DCP1A: variants seen among roughly 807,000 people sequenced by gnomAD.
DCP1A encodes mRNA-decapping enzyme 1A.
Under a neutral mutation model 58.0 loss-of-function variants are expected in DCP1A, and 20 were observed. The ratio of observed to expected loss-of-function variants is 0.34; its 90% CI spans 0.24 to 0.50. The LOEUF (loss-of-function observed/expected upper bound fraction) is 0.50, where lower values mean the gene tolerates loss of function less well. DCP1A is among the 20% of genes least tolerant of loss of function. DCP1A has a pLI of 0.98. For synonymous variants in DCP1A, 285 were observed against 275.1 expected (o/e 1.04, Z -0.36); for missense variants, 613 against 712.2 (o/e 0.86, Z 1.59).
chr3:53,306,504 AC>A (rs1311611839), intron 5 of DCP1A, among the ~76,000 whole-genome samples: 1 of 152,048 alleles, frequency 6.6e-6, no homozygotes, highest in Non-Finnish European at 1.5e-5. Flanking sequence ...ATCACTTGAG[AC>A]CAAGAGTTCA....
At chr3:53,311,029 T>C (rs1707627918) in intron 5 of DCP1A, among the ~76,000 whole-genome samples, 1 of 152,234 alleles carries the variant, frequency 6.6e-6, no homozygotes, top group Non-Finnish European at 1.5e-5. Flanking sequence ...ATTGTTTTAC[T>C]TATTGCAGGA....
At chr3:53,310,260 T>G (rs1707604410) in intron 5 of DCP1A, among the ~76,000 whole-genome samples, 1 of 152,256 alleles carries the variant, frequency 6.6e-6, no homozygotes. Context: ...CTATCTATAT[T>G]CCTTTTGTAA....
At chr3:53,326,341 A>C (rs1266241902) in intron 3 of DCP1A, among the ~76,000 whole-genome samples, 1 of 152,196 alleles carries the variant, frequency 6.6e-6, no homozygotes, top group African/African-American at 2.4e-5. Flanking sequence ...ACCCTAAGTA[A>C]AACAGTGAAT....
intron 6 of DCP1A, among the ~76,000 whole-genome samples, chr3:53,293,406 C>T (rs543855818): frequency 9.9e-5 from 15 of 152,266 alleles, no homozygotes; most frequent in African/African-American, 3.1e-4. Context: ...ATACCATAAT[C>T]GTTCAAAGGA....
Position 53,292,287 on chromosome 3 carries a change from G to C in DCP1A, c.1165C>G (p.Leu389Val), listed in dbSNP as rs1706915395. The stretch of plus-strand genomic sequence containing the variant: ...TTCTGGAGAAGATCAACGCTTGGGA[G>C]GGATGTGCCAGCTGTGTTCGTCACG... The part of the protein sequence containing the change: ...LNVTNTAGTS[L>V]PSVDLLQKLR... The change falls in exon 7 of 10, where the codon CTC becomes GTC. Residue 389 changes from leucine to valine, a missense_variant. Physicochemically the swap from Leu to Val is conservative, Grantham distance 32. Coordinates refer to ENST00000610213, the MANE Select transcript of DCP1A (RefSeq NM_018403.7). The C allele has an allele frequency of 2.5e-6, 4 of 1,613,982 alleles. No individual in the cohort carries two copies. The highest frequency in any genetic ancestry group is 3.4e-6 in the Non-Finnish European group (4 of 1,179,856).
intron 3 of DCP1A, among the ~76,000 whole-genome samples, chr3:53,327,709 T>G (rs1291867239): frequency 6.6e-6 from 1 of 151,402 alleles, no homozygotes; most frequent in Non-Finnish European, 1.5e-5. Context: ...AAGAATTGCT[T>G]GAGCCTGGGA....
At chr3:53,335,600 G>A (rs570910395) in intron 3 of DCP1A, among the ~76,000 whole-genome samples, 214 of 152,098 alleles carry the variant, frequency 1.4e-3, no homozygotes, top group Admixed American at 2.5e-3. Context: ...TCAAATGTTA[G>A]AGTTTATAAT....
At chr3:53,343,846 C>CAA (rs2089254002) in intron 2 of DCP1A, among the ~76,000 whole-genome samples, 1 of 152,080 alleles carries the variant, frequency 6.6e-6, no homozygotes, top group South Asian at 2.1e-4. Context: ...CTCCTGACCT[C>CAA]GTGATCCGCC....
Position 53,292,810 on chromosome 3 carries a change from G to A in DCP1A, c.642C>T (p.His214=). Residue 214 remains histidine (H), a synonymous_variant, in exon 7 of 10, where the codon CAC becomes CAT. Coordinates refer to ENST00000610213, the MANE Select transcript of DCP1A (RefSeq NM_018403.7). The part of the protein sequence containing the change: ...GSQDKSAPSG[H]KHLTVEELFG... ...ATAACTCTTCTACCGTCAGATGCTT[G>A]TGTCCAGATGGAGCAGACTGAAAAA... The A allele has an allele frequency of 6.2e-7, 1 of 1,607,428 alleles. No individual in the cohort carries two copies. Among genetic ancestry groups the A allele is most frequent in the East Asian group, 2.2e-5 (1 of 44,850 alleles).
chr3:53,331,961 CATT>C (rs1290571597), intron 3 of DCP1A, among the ~76,000 whole-genome samples: 5 of 152,160 alleles, frequency 3.3e-5, no homozygotes. Flanking sequence ...TGTTTCTTGA[CATT>C]AATTGCAAAA....
intron 5 of DCP1A, among the ~76,000 whole-genome samples, chr3:53,311,999 A>G (rs932733037): frequency 3.3e-5 from 5 of 151,446 alleles, no homozygotes; most frequent in Non-Finnish European, 7.4e-5. Flanking sequence ...TGCCCAGACT[A>G]GAGTGGAGTG....
rs577560273 is a variant in DCP1A, at chr3:53,304,216, G to A, written c.585C>T (p.Thr195=). 44 of 1,613,506 alleles carry A rather than the reference G, an allele frequency of 2.7e-5. No individual in the cohort carries two copies. The highest frequency in any genetic ancestry group is 1.6e-4 in the Middle Eastern group (1 of 6,084). The change falls in exon 6 of 10, where the codon ACC becomes ACT. Residue 195 remains threonine (T), a synonymous_variant. Transcript: ENST00000610213. ...PSTQLSNLGS[T]ETLEEMPSGS... is the part of the protein sequence containing the mutation. The stretch of plus-strand genomic sequence containing the variant: ...CGGAGGGCATTTCTTCTAGAGTCTC[G>A]GTGCTTCCCAGATTGGAGAGCTGAG...
intron 3 of DCP1A, among the ~76,000 whole-genome samples, chr3:53,331,398 TATA>T (rs369881731): frequency 6.2e-4 from 94 of 152,318 alleles, no homozygotes; most frequent in African/African-American, 2.1e-3. Flanking sequence ...CTCTTAAGAT[TATA>T]ATACCACATT....
intron 1 of DCP1A, among the ~76,000 whole-genome samples, chr3:53,346,778 G>C (rs2089297097): frequency 6.6e-6 from 1 of 152,120 alleles, no homozygotes; most frequent in Admixed American, 6.5e-5. Flanking sequence ...AAGGTCTTCG[G>C]GGATCCAGTG....
chr3:53,333,088 A>C (rs1346066446), intron 3 of DCP1A: 1 of 151,494 alleles, frequency 6.6e-6, no homozygotes, highest in East Asian at 1.9e-4. Flanking sequence ...ATCATAACTT[A>C]ATGTCAGTAG....
At chr3:53,296,957 C>T (rs374229852) in intron 6 of DCP1A, among the ~76,000 whole-genome samples, 2 of 152,190 alleles carry the variant, frequency 1.3e-5, no homozygotes, top group Non-Finnish European at 2.9e-5. Flanking sequence ...GAGGAATCAC[C>T]GAACTGTTTT....
intron 1 of DCP1A, 119 bp downstream of exon 1, chr3:53,347,264 G>A (rs2089302949): frequency 3.2e-6 from 4 of 1,258,032 alleles, no homozygotes; most frequent in Non-Finnish European, 4.2e-6. Flanking sequence ...GCCAGACCCT[G>A]GCCTCGTCTC....
rs1397195267 is a variant in DCP1A, at chr3:53,292,536, G to A, written c.916C>T (p.His306Tyr). The A allele has an allele frequency of 3.1e-6, 5 of 1,613,894 alleles. No individual in the cohort carries two copies. Among genetic ancestry groups the A allele is most frequent in the African/African-American group, 2.7e-5 (2 of 74,926 alleles). ...PASITQSNEK[H>Y]APTYTIPLSP... ...AACGGGATTGTGTAGGTTGGAGCATGCTTTTCATTGGACTGTGTGATGGAG... is the reference window on the plus strand; with the variant it reads ...AACGGGATTGTGTAGGTTGGAGCATACTTTTCATTGGACTGTGTGATGGAG... Residue 306 changes from histidine (H) to tyrosine (Y), a missense_variant, in exon 7 of 10, where the codon CAT (histidine) becomes TAT (tyrosine). His to Tyr is a moderately conservative substitution (Grantham distance 83). Transcript: ENST00000610213.
At chr3:53,307,471 T>C (rs782375124) in intron 5 of DCP1A, among the ~76,000 whole-genome samples, 10 of 152,236 alleles carry the variant, frequency 6.6e-5, no homozygotes, top group Non-Finnish European at 1.0e-4. Context: ...CGGCCTGCTT[T>C]ACTCACTACC....
Sources: allele counts gnomAD v4.1 joint callset (sites outside exome capture counted in the v4.1 genomes callset), GRCh38; gene constraint gnomAD v4.1.1; transcripts MANE v1.5; gene names NCBI Gene and HGNC (gene_info 2026-07-23, HGNC 2026-07-21).